The following ROBO2 variants were observed in gnomAD, a reference collection of about 807,000 sequenced individuals.
The protein encoded by ROBO2 is roundabout homolog 2.
Under a neutral mutation model 160.8 loss-of-function variants are expected in ROBO2, and 53 were observed. The ratio of observed to expected loss-of-function variants is 0.33; its 90% CI spans 0.26 to 0.41. ROBO2 has a LOEUF of 0.41. Ranked by LOEUF, ROBO2 falls within the 10% of genes least tolerant of loss-of-function variation. The probability of loss-of-function intolerance (pLI) is 1.00; values close to 1 mark genes in which losing one functional copy is unlikely to be tolerated. For missense variants in ROBO2, 1,577 were observed against 1,722.4 expected, an observed-to-expected ratio of 0.92 and a Z score of 1.49; for synonymous variants, 664 against 611.7, an observed-to-expected ratio of 1.09 and a Z score of -1.26.
At chr3:75,967,972 G>A (rs1298047952) in intron 2 of ROBO2, among the ~76,000 whole-genome samples, 1 of 151,508 alleles carries the variant, frequency 6.6e-6, no homozygotes, top group Non-Finnish European at 1.5e-5. Context: ...ACAATTTTAA[G>A]AAGATTTAAA....
At chr3:77,199,069 T>C (rs2082578614) in intron 2 of ROBO2, among the ~76,000 whole-genome samples, 1 of 152,152 alleles carries the variant, frequency 6.6e-6, no homozygotes, top group African/African-American at 2.4e-5. Context: ...GGGTGATACA[T>C]ACAAATGACA....
In ROBO2 at chr3:76,258,194, T is replaced by C. The variant is rs140468471; in HGVS notation, c.109+320592T>C. On this transcript the variant is annotated intron_variant, in intron 2 of 26. Coordinates refer to the ROBO2 transcript ENST00000487694. Reference sequence around the variant, plus strand: ...ATAAAAGTTTCTCCATTTTATGGTGTCTTTGTAAGATATATGCATGATTTT... The same window carrying C: ...ATAAAAGTTTCTCCATTTTATGGTGCCTTTGTAAGATATATGCATGATTTT... Among the ~76,000 whole-genome samples, 306 of 152,164 alleles carry C rather than the reference T, an allele frequency of 2.0e-3. 1 individual carries two copies. Among genetic ancestry groups the C allele is most frequent in the African/African-American group, 6.6e-3 (274 of 41,554 alleles).
At chr3:76,040,122 C>T (rs1311451152) in intron 2 of ROBO2, among the ~76,000 whole-genome samples, 1 of 151,824 alleles carries the variant, frequency 6.6e-6, no homozygotes, top group Non-Finnish European at 1.5e-5. Context: ...ATCTCTAGGT[C>T]TCTTTCATTA....
At chr3:77,444,677 G>T (rs1336604357) in intron 2 of ROBO2, among the ~76,000 whole-genome samples, 1 of 152,058 alleles carries the variant, frequency 6.6e-6, no homozygotes, top group Non-Finnish European at 1.5e-5. Flanking sequence ...GATACTGAAG[G>T]CTCTCAGTGG....
chr3:77,041,042 G>A (rs1484298234), intron 1 of ROBO2, among the ~76,000 whole-genome samples, 196 bp downstream of exon 1: 2 of 152,218 alleles, frequency 1.3e-5, no homozygotes, highest in East Asian at 1.9e-4. Context: ...AGTGGAATGT[G>A]TTGGTAGTCA....
At chr3:76,854,040 CT>C (rs1417315436) in intron 2 of ROBO2, among the ~76,000 whole-genome samples, 31 of 88,610 alleles carry the variant, frequency 3.5e-4, no homozygotes, top group African/African-American at 1.1e-3. Flanking sequence ...CTCTCTCTCT[CT>C]CTCTCTCTCT....
intron 2 of ROBO2, among the ~76,000 whole-genome samples, chr3:77,225,025 G>A (rs1478805842): frequency 1.3e-5 from 2 of 151,506 alleles, no homozygotes; most frequent in Non-Finnish European, 3.0e-5. Flanking sequence ...TAAACATAGA[G>A]TATTAGAAAA....
chr3:77,320,009 G>A (rs753640228), intron 2 of ROBO2, among the ~76,000 whole-genome samples: 1 of 152,106 alleles, frequency 6.6e-6, no homozygotes, highest in African/African-American at 2.4e-5. Flanking sequence ...TGAACAATTC[G>A]AAATTTATCA....
chr3:77,214,775 G>A (rs926758406), intron 2 of ROBO2, among the ~76,000 whole-genome samples: 9 of 151,684 alleles, frequency 5.9e-5, no homozygotes, highest in African/African-American at 2.2e-4. Context: ...GGCAGGCCTG[G>A]TGGTGACAAA....
At chr3:77,284,913 T>TG (rs1274708114) in intron 2 of ROBO2, among the ~76,000 whole-genome samples, 25 of 152,256 alleles carry the variant, frequency 1.6e-4, no homozygotes, top group African/African-American at 5.5e-4. Context: ...CTTTGAACTT[T>TG]GGGGTAATGA....
At chr3:76,019,985 G>A (rs1054650935) in intron 2 of ROBO2, among the ~76,000 whole-genome samples, 7 of 151,926 alleles carry the variant, frequency 4.6e-5, no homozygotes, top group East Asian at 3.9e-4. Flanking sequence ...CACATGCTTC[G>A]GTTTTCTCTG....
chr3:77,138,579 G>A (rs2076459865), intron 2 of ROBO2, among the ~76,000 whole-genome samples: 1 of 152,208 alleles, frequency 6.6e-6, no homozygotes, highest in Non-Finnish European at 1.5e-5. Flanking sequence ...GACACTAATT[G>A]TGAATAGATA....
intron 2 of ROBO2, among the ~76,000 whole-genome samples, chr3:76,448,607 A>G (rs144015515): frequency 8.1e-4 from 123 of 152,280 alleles, no homozygotes; most frequent in Non-Finnish European, 1.6e-3. Flanking sequence ...TTCCATGGAT[A>G]TTCATTTCAT....
chr3:77,158,722 G>T (rs1485438479), intron 2 of ROBO2, among the ~76,000 whole-genome samples: 9 of 152,164 alleles, frequency 5.9e-5, no homozygotes, highest in African/African-American at 2.2e-4. Context: ...GGGGTTGGTG[G>T]CAGCTTAATA....
chr3:77,386,899 A>G (rs1315030710), intron 2 of ROBO2, among the ~76,000 whole-genome samples: 1 of 151,936 alleles, frequency 6.6e-6, no homozygotes, highest in Non-Finnish European at 1.5e-5. Context: ...CACTGCGCCC[A>G]GCCGATAATT....
intron 1 of ROBO2, among the ~76,000 whole-genome samples, chr3:75,932,327 A>G (rs1273684101): frequency 6.6e-6 from 1 of 152,184 alleles, no homozygotes; most frequent in Non-Finnish European, 1.5e-5. Flanking sequence ...TTTGTTTTTC[A>G]CTGAAAAGTC....
At chr3:77,406,867 A>C (rs2076292825) in intron 2 of ROBO2, among the ~76,000 whole-genome samples, 1 of 152,180 alleles carries the variant, frequency 6.6e-6, no homozygotes, top group African/African-American at 2.4e-5. Context: ...TGTACAGTAC[A>C]TGACTTTCTC....
At chr3:77,294,520 T>C (rs931503998) in intron 2 of ROBO2, among the ~76,000 whole-genome samples, 2 of 144,854 alleles carry the variant, frequency 1.4e-5, no homozygotes, top group Non-Finnish European at 3.0e-5. Context: ...AAATTGATGG[T>C]TAAACGGGTA....
At chr3:76,675,226 G>T (rs111987714) in intron 2 of ROBO2, among the ~76,000 whole-genome samples, 2,934 of 152,250 alleles carry the variant, frequency 0.019, 110 homozygotes, top group African/African-American at 0.064. Context: ...TTTCCTGAAG[G>T]ATACGAGGAA....
Sources: allele counts gnomAD v4.1 joint callset (sites outside exome capture counted in the v4.1 genomes callset), GRCh38; gene constraint gnomAD v4.1.1; transcripts MANE v1.5; gene names NCBI Gene and HGNC (gene_info 2026-07-23, HGNC 2026-07-21).